Variants in BRINP3 observed in about 807,000 individuals in gnomAD.
The protein encoded by BRINP3 is BMP/retinoic acid-inducible neural-specific protein 3.
In BRINP3, 19 loss-of-function variants were observed where a neutral mutation model predicts 71.0. The observed-to-expected ratio is 0.27, with a 90% CI of 0.19 to 0.39. The LOEUF (loss-of-function observed/expected upper bound fraction) is 0.39, where lower values mean the gene tolerates loss of function less well. Among genes scored for constraint, BRINP3 ranks in the 10% least tolerant of loss-of-function variants. The pLI is 1.00. For synonymous variants in BRINP3, 380 were observed against 337.7 expected (o/e 1.13, Z -1.37); for missense variants, 959 against 940.8 (o/e 1.02, Z -0.25).
intron 2 of BRINP3, among the ~76,000 whole-genome samples, chr1:190,308,830 T>C (rs1161927889): frequency 1.3e-5 from 2 of 152,002 alleles, no homozygotes; most frequent in Non-Finnish European, 2.9e-5. Flanking sequence ...TATGTGTTAA[T>C]ATTTCTAAAG....
intron 2 of BRINP3, among the ~76,000 whole-genome samples, chr1:190,394,299 C>G (rs1671437390): frequency 6.6e-6 from 1 of 151,356 alleles, no homozygotes; most frequent in Non-Finnish European, 1.5e-5. Context: ...GTCCTTAGAA[C>G]AAAATATAAT....
At chr1:190,395,498 C>G (rs991550315) in intron 2 of BRINP3, among the ~76,000 whole-genome samples, 1 of 151,706 alleles carries the variant, frequency 6.6e-6, no homozygotes, top group African/African-American at 2.4e-5. Context: ...GCTTCATCTT[C>G]AGTGGTCTTT....
chr1:190,161,607 T>G (rs898784934), intron 6 of BRINP3, among the ~76,000 whole-genome samples: 1 of 152,032 alleles, frequency 6.6e-6, no homozygotes, highest in African/African-American at 2.4e-5. Flanking sequence ...TCTTTTCAAC[T>G]GTCTCGTTTA....
At chr1:190,107,498 CT>C (rs1652274526) in intron 7 of BRINP3, among the ~76,000 whole-genome samples, 1 of 151,946 alleles carries the variant, frequency 6.6e-6, no homozygotes, top group Non-Finnish European at 1.5e-5. Context: ...CAATGACTTA[CT>C]TTTTTGGACA....
chr1:190,470,082 T>A (rs185546941), intron 1 of BRINP3, among the ~76,000 whole-genome samples: 1 of 151,020 alleles, frequency 6.6e-6, no homozygotes, highest in Non-Finnish European at 1.5e-5. Flanking sequence ...AAATCTAAAA[T>A]GCATGGTTAC....
chr1:190,103,756 C>A (rs537059477), intron 7 of BRINP3, among the ~76,000 whole-genome samples: 2 of 152,056 alleles, frequency 1.3e-5, no homozygotes, highest in African/African-American at 4.8e-5. Flanking sequence ...GGCTCCGTGG[C>A]AACTATGTAC....
chr1:190,193,932 A>G (rs1444626084), intron 6 of BRINP3, among the ~76,000 whole-genome samples: 1 of 151,976 alleles, frequency 6.6e-6, no homozygotes, highest in Non-Finnish European at 1.5e-5. Flanking sequence ...ACACTAACCA[A>G]CTTTCCCCTA....
At position 190,098,376 on chromosome 1, in the gene BRINP3, G is replaced by T. The variant is rs1172552823; in HGVS notation, c.1943C>A (p.Pro648His). 1 of 1,614,096 alleles carries T rather than the reference G, an allele frequency of 6.2e-7. No homozygotes were observed. Among genetic ancestry groups the T allele is most frequent in the Non-Finnish European group, 8.5e-7 (1 of 1,180,020 alleles). ...PNGNESIYYE[P>H]LEFIDPSRNL... The stretch of plus-strand genomic sequence containing the variant: ...CCGGGAAGGGTCAATAAACTCCAGA[G>T]GTTCATAGTAAATGCTCTCATTACC... Residue 648 changes from proline (P) to histidine (H), a missense_variant, in exon 8 of 8, where the codon CCT becomes CAT. Physicochemically the swap from Pro to His is moderately conservative, Grantham distance 77. Transcript: ENST00000367462.
At chr1:190,356,470 T>G (rs932097747) in intron 2 of BRINP3, among the ~76,000 whole-genome samples, 5 of 151,972 alleles carry the variant, frequency 3.3e-5, no homozygotes. Context: ...CGTATTAATT[T>G]CCTATTGAAG....
At chr1:190,260,669 T>C (rs1234225481) in intron 4 of BRINP3, among the ~76,000 whole-genome samples, 1 of 152,086 alleles carries the variant, frequency 6.6e-6, no homozygotes, top group Non-Finnish European at 1.5e-5. Context: ...TATTGTCATG[T>C]TTAATTTCAT....
chr1:190,396,286 G>C (rs751138272), intron 2 of BRINP3, among the ~76,000 whole-genome samples: 2 of 151,838 alleles, frequency 1.3e-5, no homozygotes, highest in East Asian at 3.9e-4. Flanking sequence ...TTTTAGTTCC[G>C]TTTAAATTAA....
chr1:190,099,297 TACACACACACAC>T (rs56359524), intron 7 of BRINP3, among the ~76,000 whole-genome samples, 163 bp from the exon 8 acceptor site: 2 of 149,332 alleles, frequency 1.3e-5, no homozygotes, highest in African/African-American at 2.5e-5. Context: ...GACTATATAA[TACACACACACAC>T]ACACACACAC....
rs1553307263 is a variant in BRINP3, at chr1:190,381,268, C to CAAAAA, written c.236+73386_236+73387insTTTTT. ...TTTGCTTCCTTGACCTTTCCCTCCA[C>CAAAAA]CAAAACAAAACAAAACAAAACGAAA... On this transcript the variant is annotated intron_variant, in intron 2 of 7. Coordinates refer to ENST00000367462, the MANE Select transcript of BRINP3 (RefSeq NM_199051.3). Among the ~76,000 whole-genome samples, 10 of 143,128 alleles carry CAAAAA rather than the reference C, an allele frequency of 7.0e-5. No individual in the cohort carries two copies. In the East Asian group the frequency reaches 1.9e-3, roughly 28 times the overall value. The allele number at this position is 143,128 out of a possible 152,430, so 93.9% of individuals were successfully genotyped here. A position where few individuals can be genotyped will look rare whatever the true frequency, so the allele number is the denominator to read the frequency against.
intron 2 of BRINP3, among the ~76,000 whole-genome samples, chr1:190,345,398 G>C (rs891323078): frequency 1.3e-5 from 2 of 151,776 alleles, no homozygotes; most frequent in African/African-American, 4.8e-5. Context: ...GAATCAGGAA[G>C]AACATTGGAA....
At position 190,422,981 on chromosome 1, in the gene BRINP3, AT is replaced by A. The variant is rs577170558; in HGVS notation, c.236+31673del. On this transcript the variant is annotated intron_variant, in intron 2 of 7. Transcript: ENST00000367462. ...TTGAAAAACTAGTTTTTCTCATCTG[AT>A]TTTTGAAGTAACAGATGTCCACTTG... Among the ~76,000 whole-genome samples, 28 of 151,676 alleles carry A rather than the reference AT, an allele frequency of 1.8e-4. 1 individual carries two copies. The highest frequency in any genetic ancestry group is 3.4e-3 in the Middle Eastern group (1 of 294).
chr1:190,389,333 A>C (rs1671103085), intron 2 of BRINP3, among the ~76,000 whole-genome samples: 1 of 151,766 alleles, frequency 6.6e-6, no homozygotes, highest in African/African-American at 2.4e-5. Flanking sequence ...TTTGGATCAA[A>C]TATCCAATTA....
intron 3 of BRINP3, among the ~76,000 whole-genome samples, chr1:190,268,454 T>C (rs1661835870): frequency 6.6e-6 from 1 of 152,034 alleles, no homozygotes; most frequent in Non-Finnish European, 1.5e-5. Flanking sequence ...CCAGCAACTT[T>C]CTTAATGGGG....
chr1:190,464,860 C>T (rs1274959885), intron 1 of BRINP3, among the ~76,000 whole-genome samples: 1 of 151,954 alleles, frequency 6.6e-6, no homozygotes, highest in Admixed American at 6.6e-5. Flanking sequence ...TTTATTTTAG[C>T]TGATCAGGCA....
intron 3 of BRINP3, among the ~76,000 whole-genome samples, chr1:190,266,607 T>C (rs1661683368): frequency 1.3e-5 from 2 of 152,024 alleles, no homozygotes; most frequent in African/African-American, 2.4e-5. Context: ...TGCTATAAAA[T>C]AAACAAACAA....
Sources: allele counts gnomAD v4.1 joint callset (sites outside exome capture counted in the v4.1 genomes callset), GRCh38; gene constraint gnomAD v4.1.1; transcripts MANE v1.5; gene names NCBI Gene and HGNC (gene_info 2026-07-23, HGNC 2026-07-21).